PTPN5: variants seen among roughly 807,000 people sequenced by gnomAD.
The protein encoded by PTPN5 is tyrosine-protein phosphatase non-receptor type 5.
PTPN5 carries 29 observed loss-of-function variants against 73.9 expected under a neutral mutation model. The ratio of observed to expected loss-of-function variants is 0.39; its 90% CI spans 0.29 to 0.54. The LOEUF (loss-of-function observed/expected upper bound fraction) is 0.54, where lower values mean the gene tolerates loss of function less well. Ranked by LOEUF, PTPN5 falls within the 20% of genes least tolerant of loss-of-function variation. The pLI is 0.65. For synonymous variants in PTPN5, 267 were observed against 304.7 expected (o/e 0.88, Z 1.29); for missense variants, 652 against 751.4 (o/e 0.87, Z 1.55).
At chr11:18,750,695 C>T (rs1482883502) in intron 3 of PTPN5, among the ~76,000 whole-genome samples, 1 of 152,202 alleles carries the variant, frequency 6.6e-6, no homozygotes, top group East Asian at 1.9e-4. Context: ...ATCCTCCTAT[C>T]CTGCCAGCTT....
At chr11:18,771,857 C>T (rs1333650402) in intron 2 of PTPN5, 82 bp downstream of exon 2, 13 of 1,192,188 alleles carry the variant, frequency 1.1e-5, no homozygotes, top group Admixed American at 1.8e-5. Flanking sequence ...GAATGGGTCA[C>T]GTGTCCCAGA....
At chr11:18,761,813 G>A (rs1224834656) in intron 3 of PTPN5, among the ~76,000 whole-genome samples, 2 of 152,212 alleles carry the variant, frequency 1.3e-5, no homozygotes, top group Non-Finnish European at 2.9e-5. Flanking sequence ...ATGCAGAGTG[G>A]AAGCCGCGGG....
intron 3 of PTPN5, among the ~76,000 whole-genome samples, chr11:18,750,346 C>G (rs956053059): frequency 6.6e-6 from 1 of 152,132 alleles, no homozygotes; most frequent in South Asian, 2.1e-4. Context: ...AGAACCCAGG[C>G]AGACTGCTTC....
intron 3 of PTPN5, among the ~76,000 whole-genome samples, chr11:18,755,457 C>T (rs755795): frequency 0.66 from 100,988 of 151,948 alleles, 34,291 homozygotes; most frequent in Middle Eastern, 0.86. Flanking sequence ...CTAATGCAAG[C>T]GGTTTTATCC....
intron 3 of PTPN5, among the ~76,000 whole-genome samples, chr11:18,746,156 AATATAAAT>A (rs1181259556): frequency 1.1e-4 from 8 of 69,638 alleles, no homozygotes; most frequent in African/African-American, 3.8e-4. Context: ...AGCTGTTATA[AATATAAAT>A]ATATATATAT....
In PTPN5 at chr11:18,740,750, C is replaced by A; in HGVS notation, c.768G>T (p.Pro256=). Residue 256 remains proline (P), a synonymous_variant, in exon 8 of 15, where the codon CCG becomes CCT. Coordinates refer to ENST00000358540, the MANE Select transcript of PTPN5 (RefSeq NM_006906.2). ...AGCCAAAGCCCTCCTCGTTGCAGCCCGGAGTGCACATGTCCAGGGTCAGGG... is the reference window on the plus strand; with the variant it reads ...AGCCAAAGCCCTCCTCGTTGCAGCCAGGAGTGCACATGTCCAGGGTCAGGG... ...NVSLTLDMCT[P]GCNEEGFGYL... is the part of the protein sequence containing the mutation. The A allele has an allele frequency of 6.3e-7, 1 of 1,594,304 alleles. No individual in the cohort carries two copies. Among genetic ancestry groups the A allele is most frequent in the Non-Finnish European group, 8.6e-7 (1 of 1,168,740 alleles).
rs58611404 is a variant in PTPN5 at position 18,781,323 on chromosome 11, C to CTTTTTTTTTTTTTTTTTTTT, written c.-113-9253_-113-9252insAAAAAAAAAAAAAAAAAAAA. 2.6e-5 allele frequency among the ~76,000 whole-genome samples: 3 copies of CTTTTTTTTTTTTTTTTTTTT among 114,428 alleles called. 1 individual carries two copies. The highest frequency in any genetic ancestry group is 5.2e-5 in the Non-Finnish European group (3 of 58,212). The allele number at this position is 114,428 out of a possible 152,430, so 75.1% of individuals were successfully genotyped here. A position where few individuals can be genotyped will look rare whatever the true frequency, so the allele number is the denominator to read the frequency against. ...AGATCAGACTGTCTTTTTTTGACCACTTTTTTTTTTTTTTGAGATGGAGTC... is the reference window on the plus strand; with the variant it reads ...AGATCAGACTGTCTTTTTTTGACCACTTTTTTTTTTTTTTTTTTTTTTTTTTTTTTTTTTGAGATGGAGTC... On this transcript the variant is annotated intron_variant, in intron 1 of 14. Coordinates refer to ENST00000358540, the MANE Select transcript of PTPN5 (RefSeq NM_006906.2).
chr11:18,788,146 G>A (rs933843673), intron 1 of PTPN5, among the ~76,000 whole-genome samples: 2 of 152,108 alleles, frequency 1.3e-5, no homozygotes, highest in Admixed American at 6.5e-5. Context: ...TGACACTGTG[G>A]CCTCTTGCAT....
chr11:18,780,698 G>C (rs1481740463), intron 1 of PTPN5, among the ~76,000 whole-genome samples: 3 of 152,098 alleles, frequency 2.0e-5, no homozygotes, highest in African/African-American at 7.2e-5. Context: ...ACCCTGTCCC[G>C]GGCTGCTCCC....
At chr11:18,770,808 G>T (rs1850852731) in intron 2 of PTPN5, among the ~76,000 whole-genome samples, 1 of 152,204 alleles carries the variant, frequency 6.6e-6, no homozygotes, top group Non-Finnish European at 1.5e-5. Context: ...CTGGGTGCTG[G>T]AGATCCAGCC....
chr11:18,774,054 T>A (rs1174825394), intron 1 of PTPN5, among the ~76,000 whole-genome samples: 1 of 152,364 alleles, frequency 6.6e-6, no homozygotes, highest in East Asian at 1.9e-4. Context: ...TGAATTGCTC[T>A]AGGAAGCCTT....
chr11:18,790,843 C>G (rs757662502), intron 1 of PTPN5, among the ~76,000 whole-genome samples: 1 of 152,184 alleles, frequency 6.6e-6, no homozygotes. Flanking sequence ...CTTACTGGGC[C>G]TCAGTTTCCC....
chr11:18,766,843 A>T (rs1404798350), intron 2 of PTPN5, among the ~76,000 whole-genome samples: 1 of 152,104 alleles, frequency 6.6e-6, no homozygotes, highest in East Asian at 1.9e-4. Context: ...TGAACACACA[A>T]ACCAGCCTGG....
At position 18,729,050 on chromosome 11, in the gene PTPN5, G is replaced by C; in HGVS notation, c.1605-23C>G. 1 of 1,611,926 alleles carries C rather than the reference G, an allele frequency of 6.2e-7. No homozygotes were observed. The highest frequency in any genetic ancestry group is 8.5e-7 in the Non-Finnish European group (1 of 1,179,216). ...CCCCTGCCCGGCAGAGATGCACAGTGGGGGCAGGGTCGTGGAGGGATGGGC... is the reference window on the plus strand; with the variant it reads ...CCCCTGCCCGGCAGAGATGCACAGTCGGGGCAGGGTCGTGGAGGGATGGGC... On this transcript the variant is annotated intron_variant, in intron 14 of 14. Transcript: ENST00000358540. The surrounding 1 kb of genome is among the most constrained non-coding windows in gnomAD (Gnocchi z 5.2).
In PTPN5 at chr11:18,732,575, C is replaced by G; in HGVS notation, c.1329+17G>C. 6.2e-7 allele frequency: 1 copy of G among 1,603,652 alleles called. No homozygotes were observed. The highest frequency in any genetic ancestry group is 8.5e-7 in the Non-Finnish European group (1 of 1,171,232). ...ACACTCATCCTCAGCTTCACCCAGC[C>G]CTGCCCCAGGCCTCACCTTGAGGGA... On this transcript the variant is annotated intron_variant, in intron 12 of 14. Coordinates refer to ENST00000358540, the MANE Select transcript of PTPN5 (RefSeq NM_006906.2).
chr11:18,790,774 G>A (rs1270780328), intron 1 of PTPN5, among the ~76,000 whole-genome samples: 1 of 152,068 alleles, frequency 6.6e-6, no homozygotes, highest in Non-Finnish European at 1.5e-5. Context: ...TGAAAACCAG[G>A]AACCCTAGAT....
chr11:18,732,628 G>A lies in PTPN5; in HGVS notation c.1293C>T (p.His431=), dbSNP rs758529043. The A allele has an allele frequency of 2.5e-6, 4 of 1,613,926 alleles. No homozygotes were observed. Among genetic ancestry groups the A allele is most frequent in the East Asian group, 2.2e-5 (1 of 44,880 alleles). ...GVEITVQKVI[H]TEDYRLRLIS... is the part of the protein sequence containing the mutation. Reference sequence around the variant, plus strand: ...TGAGTCGCAGCCGGTAATCCTCCGTGTGAATGACTTTCTGCACAGTGATCT... The same window carrying A: ...TGAGTCGCAGCCGGTAATCCTCCGTATGAATGACTTTCTGCACAGTGATCT... The change falls in exon 12 of 15, where the codon CAC becomes CAT. Residue 431 remains histidine, a synonymous_variant. Coordinates refer to ENST00000358540, the MANE Select transcript of PTPN5 (RefSeq NM_006906.2).
At chr11:18,788,940 T>C (rs1851791706) in intron 1 of PTPN5, among the ~76,000 whole-genome samples, 1 of 152,220 alleles carries the variant, frequency 6.6e-6, no homozygotes, top group Non-Finnish European at 1.5e-5. Flanking sequence ...TACATACAAA[T>C]TAATTATGAA....
At chr11:18,759,588 T>C (rs1024615708) in intron 3 of PTPN5, among the ~76,000 whole-genome samples, 2 of 152,230 alleles carry the variant, frequency 1.3e-5, no homozygotes, top group African/African-American at 4.8e-5. Flanking sequence ...TTAGTGTTCT[T>C]AGCACATCCA....
Sources: gnomAD v4.1 joint callset for allele counts (sites outside exome capture counted in the v4.1 genomes callset) on GRCh38, gnomAD v4.1.1 for gene constraint, Gnocchi (gnomAD v3.1) non-coding constraint, MANE v1.5 for transcripts, NCBI Gene and HGNC (gene_info 2026-07-23, HGNC 2026-07-21) for gene names.